MEOX2: variants seen among roughly 807,000 people sequenced by gnomAD.
MEOX2 encodes homeobox protein MOX-2.
A neutral mutation model predicts 27.0 loss-of-function variants in MEOX2; 11 were observed. The observed-to-expected ratio is 0.41, with a 90% CI of 0.26 to 0.68. The LOEUF (loss-of-function observed/expected upper bound fraction) is 0.68. Among genes scored for constraint, MEOX2 ranks in the 30% least tolerant of loss-of-function variants. The probability of loss-of-function intolerance (pLI) is 0.33; values close to 1 mark genes in which losing one functional copy is unlikely to be tolerated. For synonymous variants in MEOX2, 189 were observed against 155.4 expected, an observed-to-expected ratio of 1.22 and a Z score of -1.61; for missense variants, 436 against 385.4, an observed-to-expected ratio of 1.13 and a Z score of -1.10.
intron 2 of MEOX2, among the ~76,000 whole-genome samples, chr7:15,620,683 A>G (rs1470119797): frequency 8.5e-5 from 13 of 152,246 alleles, no homozygotes; most frequent in Non-Finnish European, 1.9e-4. Flanking sequence ...CTATTTTGAA[A>G]ATACTTGGCA....
intron 1 of MEOX2, among the ~76,000 whole-genome samples, chr7:15,663,660 A>T (rs1180347858): frequency 6.6e-6 from 1 of 152,192 alleles, no homozygotes; most frequent in Non-Finnish European, 1.5e-5. Context: ...ATATATAAAA[A>T]TGACATAGCA....
intron 1 of MEOX2, among the ~76,000 whole-genome samples, chr7:15,667,673 C>A (rs1434868593): frequency 6.6e-6 from 1 of 152,114 alleles, no homozygotes; most frequent in African/African-American, 2.4e-5. Context: ...TGAAAATCAT[C>A]CTTTTCTGAG....
At chr7:15,666,770 AAAAAAAAAAATATATATATATATAT>A (rs1438477630) in intron 1 of MEOX2, among the ~76,000 whole-genome samples, 1 of 64,600 alleles carries the variant, frequency 1.5e-5, no homozygotes. Flanking sequence ...AAAAAAAAAA[AAAAAAAAAAATATATATATATATAT>A]ATATATATAT....
At position 15,612,561 on chromosome 7, in the gene MEOX2, AC is replaced by A; in HGVS notation, c.740del (p.Gly247ValfsTer14). The A allele has an allele frequency of 6.2e-7, 1 of 1,614,040 alleles. No individual in the cohort carries two copies. Among genetic ancestry groups the A allele is most frequent in the Non-Finnish European group, 8.5e-7 (1 of 1,180,018 alleles). The stretch of plus-strand genomic sequence containing the variant: ...CCCGAGCCGCAGCTCCTTGCTGTCC[AC>A]CCTTTACCCTCTTCCACTTCATCCG... ...NRRMKWKRVKGGQQGAAAREK... is the reference protein window; with the variant it reads ...NRRMKWKRVKXGQQGAAAREK... On this transcript the variant is annotated frameshift_variant, in exon 3 of 3. Transcript: ENST00000262041. LOFTEE classifies it high-confidence loss of function.
rs114233473 is a variant in MEOX2, at chr7:15,652,182, G to A, written c.518-25264C>T. On this transcript the variant is annotated intron_variant, in intron 1 of 2. Transcript: ENST00000262041. ...TTCTGAAAATGTGTTTTCAAATGCAGTAACATGCTTTTACTGTTCAAAAGA... is the reference window on the plus strand; with the variant it reads ...TTCTGAAAATGTGTTTTCAAATGCAATAACATGCTTTTACTGTTCAAAAGA... 8.2e-3 allele frequency among the ~76,000 whole-genome samples: 1,252 copies of A among 152,122 alleles called. 25 individuals carry two copies. Among genetic ancestry groups the A allele is most frequent in the African/African-American group, 0.028 (1,172 of 41,518 alleles).
At chr7:15,675,967 A>T (rs1782185905) in intron 1 of MEOX2, 1 of 152,132 alleles carries the variant, frequency 6.6e-6, no homozygotes, top group Non-Finnish European at 1.5e-5. Flanking sequence ...TAAAAAGTTA[A>T]CTCTGCATTT....
intron 2 of MEOX2, 141 bp from the exon 3 acceptor site, chr7:15,612,752 A>T: frequency 1.5e-6 from 1 of 654,986 alleles, no homozygotes; most frequent in Non-Finnish European, 2.6e-6. Context: ...AGAAAAATAA[A>T]TCCACGTTGA....
At chr7:15,683,219 G>A (rs868476923) in intron 1 of MEOX2, among the ~76,000 whole-genome samples, 1 of 151,942 alleles carries the variant, frequency 6.6e-6, no homozygotes, top group South Asian at 2.1e-4. Flanking sequence ...ACGGTAATTA[G>A]AATTAGCACA....
intron 1 of MEOX2, among the ~76,000 whole-genome samples, chr7:15,658,236 T>C (rs1229186483): frequency 6.6e-6 from 1 of 152,188 alleles, no homozygotes; most frequent in Non-Finnish European, 1.5e-5. Context: ...TTCTCTGACT[T>C]CAGCCTGCAG....
chr7:15,643,149 C>A (rs1002811091), intron 1 of MEOX2, among the ~76,000 whole-genome samples: 3 of 152,178 alleles, frequency 2.0e-5, no homozygotes, highest in African/African-American at 7.2e-5. Flanking sequence ...ATGGGACATG[C>A]AGTTTGACCT....
chr7:15,659,510 C>T (rs1224618300), intron 1 of MEOX2, among the ~76,000 whole-genome samples: 1 of 152,042 alleles, frequency 6.6e-6, no homozygotes, highest in African/African-American at 2.4e-5. Context: ...CCTGTAATCC[C>T]AGCACTTTGG....
chr7:15,624,012 C>T (rs934473315), intron 2 of MEOX2, among the ~76,000 whole-genome samples: 1 of 152,212 alleles, frequency 6.6e-6, no homozygotes, highest in African/African-American at 2.4e-5. Flanking sequence ...ATAGTTTACA[C>T]TAAAAATTAT....
intron 2 of MEOX2, among the ~76,000 whole-genome samples, chr7:15,617,108 C>G (rs1487782398): frequency 6.6e-6 from 1 of 151,942 alleles, no homozygotes; most frequent in Non-Finnish European, 1.5e-5. Flanking sequence ...AATGCAATAA[C>G]CCATATTTAT....
At chr7:15,616,605 G>C (rs1403082431) in intron 2 of MEOX2, among the ~76,000 whole-genome samples, 2 of 151,642 alleles carry the variant, frequency 1.3e-5, no homozygotes, top group African/African-American at 4.8e-5. Flanking sequence ...TTTAGTTTTT[G>C]TTTTTAAGAC....
intron 1 of MEOX2, among the ~76,000 whole-genome samples, chr7:15,663,428 G>A (rs557414219): frequency 2.0e-5 from 3 of 151,874 alleles, no homozygotes; most frequent in African/African-American, 7.2e-5. Flanking sequence ...CTCCTCCCGG[G>A]TTTAAGCAAG....
intron 1 of MEOX2, among the ~76,000 whole-genome samples, chr7:15,661,450 G>T (rs1211638433): frequency 6.6e-6 from 1 of 152,114 alleles, no homozygotes; most frequent in Non-Finnish European, 1.5e-5. Context: ...AAACTATGGG[G>T]CCTGAATTTT....
chr7:15,669,132 G>T (rs570765703), intron 1 of MEOX2, among the ~76,000 whole-genome samples: 2 of 152,274 alleles, frequency 1.3e-5, no homozygotes, highest in East Asian at 3.9e-4. Flanking sequence ...TATCGTACGA[G>T]TAAAGTTTCA....
intron 2 of MEOX2, among the ~76,000 whole-genome samples, chr7:15,613,635 A>T (rs555624265): frequency 6.6e-6 from 1 of 152,010 alleles, no homozygotes; most frequent in Non-Finnish European, 1.5e-5. Context: ...AAGAAAACAA[A>T]TTTTTTTCAT....
chr7:15,649,237 T>A (rs1781695789), intron 1 of MEOX2, among the ~76,000 whole-genome samples: 1 of 152,128 alleles, frequency 6.6e-6, no homozygotes, highest in Non-Finnish European at 1.5e-5. Context: ...ATGCTTACAA[T>A]GCAAGGTATT....
Sources: allele counts gnomAD v4.1 joint callset (sites outside exome capture counted in the v4.1 genomes callset), GRCh38; gene constraint gnomAD v4.1.1; transcripts MANE v1.5; gene names NCBI Gene and HGNC (gene_info 2026-07-23, HGNC 2026-07-21).